The following C1QTNF3 variants were observed in gnomAD, a reference collection of about 807,000 sequenced individuals.
C1QTNF3 encodes complement C1q tumor necrosis factor-related protein 3.
C1QTNF3 carries 26 observed loss-of-function variants against 32.6 expected under a neutral mutation model. The observed-to-expected ratio is 0.80, with a 90% CI of 0.58 to 1.11. The LOEUF (loss-of-function observed/expected upper bound fraction) is 1.11. Among genes scored for constraint, C1QTNF3 ranks in the 50% least tolerant of loss-of-function variants. The probability of loss-of-function intolerance (pLI) is 0.00; values close to 1 mark genes in which losing one functional copy is unlikely to be tolerated. For synonymous variants in C1QTNF3, 155 were observed against 146.0 expected, an observed-to-expected ratio of 1.06 and a Z score of -0.44; for missense variants, 362 against 398.2, an observed-to-expected ratio of 0.91 and a Z score of 0.77.
the C1QTNF3 span, among the ~76,000 whole-genome samples, chr5:34,236,776 G>A: frequency 1.1e-3 from 174 of 151,666 alleles, no homozygotes; most frequent in Middle Eastern, 3.4e-3. Context: ...GGGTTTCACC[G>A]TGTTGGCCAG....
At chr5:34,066,849 A>G in the C1QTNF3 span, among the ~76,000 whole-genome samples, 1 of 152,122 alleles carries the variant, frequency 6.6e-6, no homozygotes, top group South Asian at 2.1e-4. Flanking sequence ...CTCCTCAGAA[A>G]ATGAGTTTTT....
At chr5:34,187,435 T>C in the C1QTNF3 span, among the ~76,000 whole-genome samples, 2 of 152,300 alleles carry the variant, frequency 1.3e-5, no homozygotes, top group African/African-American at 4.8e-5. Context: ...GATAGGAAAA[T>C]GTGGGAAAGT....
the C1QTNF3 span, among the ~76,000 whole-genome samples, chr5:34,214,190 G>A: frequency 6.6e-6 from 1 of 151,914 alleles, no homozygotes; most frequent in African/African-American, 2.4e-5. Flanking sequence ...TAATTAAGAA[G>A]TAAAGCAACG....
chr5:34,195,974 T>A, the C1QTNF3 span, among the ~76,000 whole-genome samples: 1 of 152,298 alleles, frequency 6.6e-6, no homozygotes, highest in African/African-American at 2.4e-5. Flanking sequence ...ATTACTTCCT[T>A]TATAAGAAGA....
the C1QTNF3 span, among the ~76,000 whole-genome samples, chr5:34,137,171 C>G: frequency 6.6e-6 from 1 of 151,596 alleles, no homozygotes; most frequent in Non-Finnish European, 1.5e-5. Flanking sequence ...AAGTGACTTC[C>G]CCTAGTAACA....
the C1QTNF3 span, among the ~76,000 whole-genome samples, chr5:34,201,155 A>G: frequency 6.6e-6 from 1 of 151,680 alleles, no homozygotes; most frequent in Non-Finnish European, 1.5e-5. Context: ...TTCAATATAT[A>G]TTTTTAGAAT....
the C1QTNF3 span, among the ~76,000 whole-genome samples, chr5:34,175,081 T>C: frequency 1.3e-4 from 19 of 149,336 alleles, no homozygotes; most frequent in Non-Finnish European, 1.9e-4. Context: ...TCTCACTCTG[T>C]TGCCCAGGCT....
At chr5:34,083,543 T>C in the C1QTNF3 span, among the ~76,000 whole-genome samples, 12 of 150,730 alleles carry the variant, frequency 8.0e-5, no homozygotes, top group African/African-American at 2.9e-4. Context: ...ATATGAAAAC[T>C]AGATGATTTC....
chr5:34,209,230 TTTACTC>T, the C1QTNF3 span, among the ~76,000 whole-genome samples: 1 of 152,096 alleles, frequency 6.6e-6, no homozygotes, highest in Non-Finnish European at 1.5e-5. Flanking sequence ...ATGTCATTGT[TTTACTC>T]TTACTTACAT....
chr5:34,066,408 A>T, the C1QTNF3 span, among the ~76,000 whole-genome samples: 1 of 152,240 alleles, frequency 6.6e-6, no homozygotes, highest in African/African-American at 2.4e-5. Context: ...TGAATTCATA[A>T]CAAAATAAAC....
chr5:34,203,623 T>C, the C1QTNF3 span, among the ~76,000 whole-genome samples: 1 of 151,516 alleles, frequency 6.6e-6, no homozygotes, highest in African/African-American at 2.4e-5. Flanking sequence ...AAGACGGAGT[T>C]TGCAGTGAGC....
the C1QTNF3 span, among the ~76,000 whole-genome samples, chr5:34,212,894 C>T: frequency 6.6e-6 from 1 of 151,306 alleles, no homozygotes; most frequent in African/African-American, 2.4e-5. Flanking sequence ...ACCCAGCCAT[C>T]CCATTACTGG....
At chr5:34,136,388 C>T in the C1QTNF3 span, among the ~76,000 whole-genome samples, 1 of 152,166 alleles carries the variant, frequency 6.6e-6, no homozygotes, top group East Asian at 1.9e-4. Context: ...AGCCAACAGA[C>T]ACATGAAAAA....
At chr5:34,032,338 T>C (rs372209245) in intron 3 of C1QTNF3, among the ~76,000 whole-genome samples, 2 of 152,216 alleles carry the variant, frequency 1.3e-5, no homozygotes, top group Admixed American at 1.3e-4. Flanking sequence ...GGTAAATGGG[T>C]ACTTGAGCCT....
At chr5:34,139,039 G>A in the C1QTNF3 span, among the ~76,000 whole-genome samples, 15 of 151,990 alleles carry the variant, frequency 9.9e-5, no homozygotes, top group South Asian at 2.1e-3. Context: ...GCCTGAAGGA[G>A]GATTCCCAAA....
At chr5:34,062,246 G>C in the C1QTNF3 span, among the ~76,000 whole-genome samples, 1 of 152,190 alleles carries the variant, frequency 6.6e-6, no homozygotes, top group Non-Finnish European at 1.5e-5. Flanking sequence ...CCCCATCAAG[G>C]TGCAGTCCCA....
At chr5:34,067,647 C>A in the C1QTNF3 span, among the ~76,000 whole-genome samples, 11 of 152,150 alleles carry the variant, frequency 7.2e-5, no homozygotes, top group Non-Finnish European at 1.5e-4. Flanking sequence ...TGGGTCCCTC[C>A]CACAACATGT....
At chr5:34,077,241 C>G in the C1QTNF3 span, among the ~76,000 whole-genome samples, 4 of 151,690 alleles carry the variant, frequency 2.6e-5, no homozygotes, top group Non-Finnish European at 4.4e-5. Context: ...AGTAGAACAT[C>G]TGGCTTCTTA....
chr5:34,083,939 T>C, the C1QTNF3 span, among the ~76,000 whole-genome samples: 1 of 151,880 alleles, frequency 6.6e-6, no homozygotes, highest in African/African-American at 2.4e-5. Flanking sequence ...CTAATACTTA[T>C]AAATCGGTTT....
Sources: allele counts gnomAD v4.1 joint callset (sites outside exome capture counted in the v4.1 genomes callset), GRCh38; gene constraint gnomAD v4.1.1; transcripts MANE v1.5; gene names NCBI Gene and HGNC (gene_info 2026-07-23, HGNC 2026-07-21).